CSN1S1: variants seen among roughly 807,000 people sequenced by gnomAD.
CSN1S1 encodes alpha-S1-casein.
Under a neutral mutation model 49.1 loss-of-function variants are expected in CSN1S1, and 63 were observed. The ratio of observed to expected loss-of-function variants is 1.28; its 90% CI spans 1.05 to 1.58. CSN1S1 has a LOEUF of 1.58. CSN1S1 is among the 40% of genes most tolerant of loss of function. CSN1S1 has a pLI of 0.00. For synonymous variants in CSN1S1, 78 were observed against 67.1 expected (o/e 1.16, Z -0.79); for missense variants, 260 against 224.7 (o/e 1.16, Z -1.01).
At chr4:69,943,876 G>A (rs543423799) in intron 14 of CSN1S1, among the ~76,000 whole-genome samples, 15 of 152,120 alleles carry the variant, frequency 9.9e-5, no homozygotes, top group African/African-American at 3.6e-4. Flanking sequence ...TGAGAGCAGA[G>A]CCCTTGTGAA....
Position 69,937,153 on chromosome 4 carries a change from C to G in CSN1S1, c.219+9C>G. ...GGAATGAGTCTACTCAGGTGAGACC[C>G]TTTGTTTTAAAATTATTAAACCAAT... is the stretch of plus-strand genomic sequence containing the variant. On this transcript the variant is annotated intron_variant, in intron 8 of 15. Transcript: ENST00000246891. 6.6e-7 allele frequency: 1 copy of G among 1,526,466 alleles called. No individual in the cohort carries two copies. Among genetic ancestry groups the G allele is most frequent in the East Asian group, 2.5e-5 (1 of 40,444 alleles). 94.6% of individuals were successfully genotyped at this position (1,526,466 alleles called of 1,614,324 possible). A position where few individuals can be genotyped will look rare whatever the true frequency, so the allele number is the denominator to read the frequency against.
Position 69,937,045 on chromosome 4 carries a change from G to T in CSN1S1, c.196-76G>T, listed in dbSNP as rs1185674039. 6.0e-6 allele frequency: 7 copies of T among 1,172,068 alleles called. No homozygotes were observed. The Admixed American group carries it at 1.3e-4, about 22-fold the overall frequency. The allele number at this position is 1,172,068 out of a possible 1,614,324, so 72.6% of individuals were successfully genotyped here. On this transcript the variant is annotated intron_variant, in intron 7 of 15. Transcript: ENST00000246891. ...AGTAGAATTGGTATTGAGAGAGCAG[G>T]TGCTCAAACTTTATGAGATAAAATA...
chr4:69,945,864 T>A (rs898068263), intron 15 of CSN1S1, among the ~76,000 whole-genome samples: 2 of 151,950 alleles, frequency 1.3e-5, no homozygotes, highest in African/African-American at 4.8e-5. Context: ...TGTGTGTGTG[T>A]TTCCTTTTCC....
chr4:69,940,813 A>G (rs1163975988), intron 11 of CSN1S1, among the ~76,000 whole-genome samples: 1 of 151,812 alleles, frequency 6.6e-6, no homozygotes, highest in Non-Finnish European at 1.5e-5. Context: ...ATTTAAATTC[A>G]AGAAGTTGCT....
At chr4:69,931,820 A>G (rs1367950466) in intron 1 of CSN1S1, among the ~76,000 whole-genome samples, 1 of 151,868 alleles carries the variant, frequency 6.6e-6, no homozygotes, top group Non-Finnish European at 1.5e-5. Context: ...TTTTCCCAGT[A>G]CATGTGGATG....
chr4:69,936,794 A>C (rs1722801949), intron 7 of CSN1S1, among the ~76,000 whole-genome samples, 187 bp downstream of exon 7: 1 of 151,978 alleles, frequency 6.6e-6, no homozygotes. Context: ...CATTGACTTA[A>C]TTGTGCAACT....
At chr4:69,945,293 C>A (rs893165974) in intron 15 of CSN1S1, among the ~76,000 whole-genome samples, 1 of 152,010 alleles carries the variant, frequency 6.6e-6, no homozygotes, top group Non-Finnish European at 1.5e-5. Flanking sequence ...ATAAAGACTT[C>A]TGACATGTAA....
At chr4:69,940,498 G>A (rs1389329577) in intron 11 of CSN1S1, among the ~76,000 whole-genome samples, 4 of 151,572 alleles carry the variant, frequency 2.6e-5, no homozygotes, top group Admixed American at 6.6e-5. Context: ...CCTTTTACAC[G>A]TATGTGATGT....
At chr4:69,942,732 A>G (rs1342736836) in intron 14 of CSN1S1, among the ~76,000 whole-genome samples, 155 bp downstream of exon 14, 2 of 151,976 alleles carry the variant, frequency 1.3e-5, no homozygotes, top group East Asian at 1.9e-4. Context: ...TTCTAAGCAT[A>G]TGACCTTGAG....
At chr4:69,942,102 C>T in intron 13 of CSN1S1, 39 bp downstream of exon 13, 1 of 1,277,200 alleles carries the variant, frequency 7.8e-7, no homozygotes, top group Non-Finnish European at 1.1e-6. Context: ...TTTAGTATTT[C>T]CTTCATGTGT....
chr4:69,931,956 A>T (rs920709831), intron 1 of CSN1S1, among the ~76,000 whole-genome samples: 2 of 151,956 alleles, frequency 1.3e-5, no homozygotes, highest in African/African-American at 4.8e-5. Flanking sequence ...CCAATGTAGC[A>T]AAACACGAAG....
At chr4:69,931,374 G>A (rs1162293609) in intron 1 of CSN1S1, among the ~76,000 whole-genome samples, 1 of 151,846 alleles carries the variant, frequency 6.6e-6, no homozygotes, top group African/African-American at 2.4e-5. Context: ...TTTTAAAGTT[G>A]ATACATAATT....
intron 15 of CSN1S1, 100 bp downstream of exon 15, chr4:69,945,104 G>A (rs1467928501): frequency 4.1e-6 from 5 of 1,219,744 alleles, no homozygotes; most frequent in East Asian, 2.4e-5. Context: ...ATTAAACATG[G>A]CAAATCAATG....
At chr4:69,931,772 T>G (rs763242607) in intron 1 of CSN1S1, among the ~76,000 whole-genome samples, 1 of 151,872 alleles carries the variant, frequency 6.6e-6, no homozygotes, top group Non-Finnish European at 1.5e-5. Flanking sequence ...ATAGTATGTG[T>G]GACCTGATTT....
chr4:69,940,718 CA>C lies in CSN1S1; in HGVS notation c.301-294del, dbSNP rs1265725164. Among the ~76,000 whole-genome samples the C allele has an allele frequency of 3.3e-5, 5 of 151,506 alleles. No individual in the cohort carries two copies. The East Asian group carries it at 7.8e-4, about 24-fold the overall frequency. ...AAGTTAAATCTTCACAGTCAGAAAACAAAAAAACAGTTTTAACTTTCTTAAT... is the reference window on the plus strand; with the variant it reads ...AAGTTAAATCTTCACAGTCAGAAAACAAAAAACAGTTTTAACTTTCTTAAT... On this transcript the variant is annotated intron_variant, in intron 11 of 15. Coordinates refer to ENST00000246891, the MANE Select transcript of CSN1S1 (RefSeq NM_001890.2).
At position 69,942,588 on chromosome 4, in the gene CSN1S1, G is replaced by T; in HGVS notation, c.402+11G>T. On this transcript the variant is annotated intron_variant, in intron 14 of 15. Coordinates refer to ENST00000246891, the MANE Select transcript of CSN1S1 (RefSeq NM_001890.2). ...AGCCATGTCCAAGTGGTAATATTTT[G>T]CTTAATATATTACAAAACGATAATA... 1 of 1,571,488 alleles carries T rather than the reference G, an allele frequency of 6.4e-7. No homozygotes were observed. Among genetic ancestry groups the T allele is most frequent in the South Asian group, 1.2e-5 (1 of 86,004 alleles).
rs187127286 is a variant in CSN1S1 at position 69,946,391 on chromosome 4, G to T, written c.*195G>T. 174 of 284,814 alleles carry T rather than the reference G, an allele frequency of 6.1e-4. 1 individual carries two copies. Among genetic ancestry groups the T allele is most frequent in the African/African-American group, 3.5e-3 (162 of 45,958 alleles). 17.6% of individuals were successfully genotyped at this position (284,814 alleles called of 1,614,324 possible). ...AGAGTTTATTGTCTAAATTTCAGTT[G>T]TGTCTTGCCATATGGAGGGCACCTA... is the stretch of plus-strand genomic sequence containing the variant. On this transcript the variant is annotated 3_prime_UTR_variant, in exon 16 of 16. Coordinates refer to ENST00000246891, the MANE Select transcript of CSN1S1 (RefSeq NM_001890.2).
chr4:69,940,527 A>G (rs1413158328), intron 11 of CSN1S1, among the ~76,000 whole-genome samples: 1 of 151,754 alleles, frequency 6.6e-6, no homozygotes, highest in Non-Finnish European at 1.5e-5. Flanking sequence ...TCACTTTCCC[A>G]GTATAAGTCT....
At chr4:69,945,851 T>TG (rs1560392658) in intron 15 of CSN1S1, among the ~76,000 whole-genome samples, 83 of 84,846 alleles carry the variant, frequency 9.8e-4, no homozygotes, top group East Asian at 2.2e-3. Flanking sequence ...AATTGTGTGT[T>TG]TGTGTGTGTG....
Sources: gnomAD v4.1 joint callset for allele counts (sites outside exome capture counted in the v4.1 genomes callset) on GRCh38, gnomAD v4.1.1 for gene constraint, MANE v1.5 for transcripts, NCBI Gene and HGNC (gene_info 2026-07-23, HGNC 2026-07-21) for gene names.